PTPRN2: variants seen among roughly 807,000 people sequenced by gnomAD.
PTPRN2 encodes the protein protein tyrosine phosphatase receptor type N2, also known as receptor-type tyrosine-protein phosphatase N2.
Under a neutral mutation model 118.8 loss-of-function variants are expected in PTPRN2, and 74 were observed. The ratio of observed to expected loss-of-function variants is 0.62; its 90% CI spans 0.52 to 0.76. The LOEUF (loss-of-function observed/expected upper bound fraction) is 0.76. PTPRN2 is among the 30% of genes least tolerant of loss of function. PTPRN2 has a pLI of 0.00. For missense variants in PTPRN2, 1,481 were observed against 1,394.4 expected (o/e 1.06, Z -0.99); for synonymous variants, 641 against 608.0 (o/e 1.05, Z -0.80).
intron 2 of PTPRN2, among the ~76,000 whole-genome samples, chr7:158,393,587 T>C (rs568191703): frequency 6.6e-6 from 1 of 152,220 alleles, no homozygotes; most frequent in Non-Finnish European, 1.5e-5. Flanking sequence ...GGTTTCTCCC[T>C]TTGGTGAATC....
chr7:157,968,235 T>A (rs1563282913), intron 11 of PTPRN2, among the ~76,000 whole-genome samples: 1 of 152,190 alleles, frequency 6.6e-6, no homozygotes, highest in Non-Finnish European at 1.5e-5. Flanking sequence ...CTGTGAGAAG[T>A]GGGGATACAG....
At chr7:157,963,664 G>T (rs59350685) in intron 11 of PTPRN2, among the ~76,000 whole-genome samples, 5 of 152,204 alleles carry the variant, frequency 3.3e-5, no homozygotes, top group Admixed American at 6.5e-5. Context: ...AAGTCTGCAG[G>T]GGGGAGATCT....
chr7:157,772,410 T>C (rs1208165575), intron 12 of PTPRN2, among the ~76,000 whole-genome samples: 1 of 151,312 alleles, frequency 6.6e-6, no homozygotes, highest in East Asian at 1.9e-4. Context: ...GAGACACACA[T>C]AGACACAAAC....
intron 2 of PTPRN2, among the ~76,000 whole-genome samples, chr7:158,368,204 G>C (rs1013441883): frequency 4.6e-5 from 7 of 152,176 alleles, no homozygotes; most frequent in Non-Finnish European, 7.3e-5. Context: ...AGAGCCTCCT[G>C]CACCGGCCTC....
At chr7:157,989,865 C>T (rs536954818) in intron 11 of PTPRN2, among the ~76,000 whole-genome samples, 1 of 152,206 alleles carries the variant, frequency 6.6e-6, no homozygotes, top group South Asian at 2.1e-4. Flanking sequence ...CTTCCACACT[C>T]GGCCAAGGTC....
At chr7:158,216,123 A>G (rs1473810913) in intron 3 of PTPRN2, among the ~76,000 whole-genome samples, 1 of 152,184 alleles carries the variant, frequency 6.6e-6, no homozygotes, top group Non-Finnish European at 1.5e-5. Context: ...TAAAGTTTCT[A>G]TATTTCACCC....
intron 2 of PTPRN2, among the ~76,000 whole-genome samples, chr7:158,335,423 CA>C (rs796138056): frequency 5.9e-4 from 7 of 11,918 alleles, no homozygotes; most frequent in Non-Finnish European, 1.1e-3. Context: ...CCCACACTCT[CA>C]ACCATAAGAG....
intron 12 of PTPRN2, among the ~76,000 whole-genome samples, chr7:157,812,570 A>G (rs1806122412): frequency 1.3e-5 from 2 of 152,220 alleles, no homozygotes; most frequent in African/African-American, 2.4e-5. Flanking sequence ...GTGAAAAGAA[A>G]GAAGTTGTCA....
intron 10 of PTPRN2, among the ~76,000 whole-genome samples, chr7:158,084,569 T>C (rs1047063304): frequency 1.3e-5 from 2 of 152,016 alleles, no homozygotes; most frequent in Non-Finnish European, 2.9e-5. Flanking sequence ...GCAGAGTCTC[T>C]TAGGAGCAAG....
chr7:157,969,437 T>C (rs2128815937), intron 11 of PTPRN2, among the ~76,000 whole-genome samples: 1 of 152,314 alleles, frequency 6.6e-6, no homozygotes, highest in South Asian at 2.1e-4. Context: ...GCACACATCC[T>C]GCACTTGTCA....
In PTPRN2 at chr7:157,966,267, T is replaced by C. The variant is rs540002214; in HGVS notation, c.1724-67530A>G. ...AGAAAAGGCTTCCTGTTTTGTTTCC[T>C]GAGACTCCTCTTTCTCCTTCATGTC... On this transcript the variant is annotated intron_variant, in intron 11 of 22. Coordinates refer to ENST00000389418, the MANE Select transcript of PTPRN2 (RefSeq NM_002847.5). Among the ~76,000 whole-genome samples, 8 of 152,274 alleles carry C rather than the reference T, an allele frequency of 5.3e-5. No homozygotes were observed. In the East Asian group the frequency reaches 1.5e-3, roughly 29 times the overall value.
At chr7:157,800,716 G>C (rs1045439661) in intron 12 of PTPRN2, among the ~76,000 whole-genome samples, 1 of 152,120 alleles carries the variant, frequency 6.6e-6, no homozygotes, top group East Asian at 1.9e-4. Context: ...ACTTTGGGAG[G>C]CCGAGGCGGG....
chr7:158,487,805 G>A (rs60648910), intron 2 of PTPRN2, among the ~76,000 whole-genome samples: 2,478 of 152,148 alleles, frequency 0.016, 92 homozygotes, highest in African/African-American at 0.058. Flanking sequence ...CTCGCAAAGC[G>A]CAGTTTTCTA....
chr7:158,489,828 GA>G (rs1359801622), intron 1 of PTPRN2, 43 bp from the exon 2 acceptor site: 18 of 1,539,292 alleles, frequency 1.2e-5, no homozygotes, highest in Non-Finnish European at 1.4e-5. Flanking sequence ...TGGAGGGGAG[GA>G]GGGGGGTGCC....
intron 12 of PTPRN2, among the ~76,000 whole-genome samples, chr7:157,771,286 C>T (rs183781418): frequency 6.6e-6 from 1 of 152,382 alleles, no homozygotes; most frequent in African/African-American, 2.4e-5. Flanking sequence ...CCTGTCATGC[C>T]TGACCAGATT....
At chr7:158,428,900 G>A (rs565003972) in intron 2 of PTPRN2, among the ~76,000 whole-genome samples, 17 of 152,290 alleles carry the variant, frequency 1.1e-4, no homozygotes, top group African/African-American at 3.9e-4. Flanking sequence ...ATCGTCCTGG[G>A]GGCATCCCAG....
intron 2 of PTPRN2, among the ~76,000 whole-genome samples, chr7:158,323,765 G>C (rs1371433916): frequency 6.6e-6 from 1 of 152,110 alleles, no homozygotes; most frequent in Non-Finnish European, 1.5e-5. Flanking sequence ...CCAGGACCAA[G>C]CTTCCAGCCC....
intron 10 of PTPRN2, among the ~76,000 whole-genome samples, chr7:158,110,336 C>T (rs1341750279): frequency 6.6e-6 from 1 of 152,248 alleles, no homozygotes; most frequent in East Asian, 1.9e-4. Flanking sequence ...ATGCCTCATG[C>T]CCACAACTCT....
rs754555834 is a variant in PTPRN2 at position 157,898,752 on chromosome 7, C to T, written c.1724-15G>A. 34 of 1,585,138 alleles carry T rather than the reference C, an allele frequency of 2.1e-5. No homozygotes were observed. Among genetic ancestry groups the T allele is most frequent in the Non-Finnish European group, 2.9e-5 (33 of 1,153,734 alleles). ...TTTGTTGTCAACTGTTAGGAAAAAT[C>T]AGAAAGCACAAGAGTCAGGTTGGAG... On this transcript the variant is annotated splice_polypyrimidine_tract_variant and intron_variant, in intron 11 of 22. Coordinates refer to ENST00000389418, the MANE Select transcript of PTPRN2 (RefSeq NM_002847.5).
Sources: gnomAD v4.1 joint callset for allele counts (sites outside exome capture counted in the v4.1 genomes callset) on GRCh38, gnomAD v4.1.1 for gene constraint, MANE v1.5 for transcripts, NCBI Gene and HGNC (gene_info 2026-07-23, HGNC 2026-07-21) for gene names.